Variants in RTL5 observed in about 807,000 individuals in gnomAD.
RTL5 encodes the protein retrotransposon Gag like 5.
In RTL5, 8 loss-of-function variants were observed where a neutral mutation model predicts 7.7. The observed-to-expected ratio is 1.04, with a 90% CI of 0.61 to 1.88. The LOEUF is 1.88. Ranked by LOEUF, RTL5 falls within the 40% of genes most tolerant of loss-of-function variation. RTL5 has a pLI of 0.00. For missense variants in RTL5, 457 were observed against 472.7 expected (o/e 0.97, Z 0.31); for synonymous variants, 188 against 191.8 (o/e 0.98, Z 0.16).
exon 1 of RTL5, chrX:72,131,638 G>A (rs1416343793): frequency 4.5e-6 from 4 of 896,388 alleles, no homozygotes; most frequent in Admixed American, 3.8e-5. Flanking sequence ...CGGGGCTCGG[G>A]AGGGACCGAA....
At chrX:72,130,685 T>C in exon 1 of RTL5, 1 of 1,211,884 alleles carries the variant, frequency 8.3e-7, no homozygotes, top group Non-Finnish European at 1.1e-6. Context: ...AAGAGCTCTT[T>C]GCGGAAGAAT....
chrX:72,130,653 G>A lies in RTL5; in HGVS notation c.888C>T (p.Asp296=). 2.5e-6 allele frequency: 3 copies of A among 1,211,690 alleles called. No homozygotes were observed. The Middle Eastern group carries it at 6.9e-4, about 278-fold the overall frequency. ...CACATTCGAGAATCAGCTCATCCAG[G>A]TCGGCCATTTCTGTTGACCATAAGA... Residue 296 remains aspartate (D), a synonymous_variant, in exon 1 of 1, where the codon GAC becomes GAT. Transcript: ENST00000609883.
chrX:72,128,105 T>C (rs7472250), exon 1 of RTL5: 64,524 of 110,493 alleles, frequency 0.58, 16,071 homozygotes, highest in Non-Finnish European at 0.79. Context: ...GTTATAGGAA[T>C]CCAAATCCAC....
At chrX:72,131,895 A>G (rs1780436045), upstream of RTL5, 1 of 415,343 alleles carries the variant, frequency 2.4e-6, no homozygotes, top group South Asian at 3.7e-5. Flanking sequence ...GAGGGAGCGG[A>G]CTGCGGCAGG....
At chrX:72,128,608 T>C (rs908758690) in exon 1 of RTL5, 3 of 113,007 alleles carry the variant, frequency 2.7e-5, no homozygotes, top group African/African-American at 9.7e-5. Context: ...ACTGTGTCAC[T>C]GAAGCACAGC....
chrX:72,131,733 G>T lies in RTL5; in HGVS notation c.-193C>A, dbSNP rs1440976226. On this transcript the variant is annotated 5_prime_UTR_variant, in exon 1 of 1. Coordinates refer to ENST00000609883, the Ensembl canonical transcript of RTL5. Reference sequence around the variant, plus strand: ...GGCGCTCTGGGCGGAGGGCCCGGCGGCTCGGCCCAGGGCGCGTTACCTCGT... The same window carrying T: ...GGCGCTCTGGGCGGAGGGCCCGGCGTCTCGGCCCAGGGCGCGTTACCTCGT... 9.1e-5 allele frequency: 29 copies of T among 320,258 alleles called. No individual in the cohort carries two copies. In the East Asian group the frequency reaches 1.4e-3, roughly 15 times the overall value. The allele number at this position is 320,258 out of a possible 1,213,427, so 26.4% of individuals were successfully genotyped here. A position where few individuals can be genotyped will look rare whatever the true frequency, so the allele number is the denominator to read the frequency against.
exon 1 of RTL5, chrX:72,129,041 G>A (rs2042256081): frequency 8.8e-6 from 1 of 113,056 alleles, no homozygotes; most frequent in African/African-American, 3.2e-5. Flanking sequence ...TCCACCGGGG[G>A]TGCCCAGGAG....
At chrX:72,129,902 G>A (rs917277121) in exon 1 of RTL5, 1 of 1,210,479 alleles carries the variant, frequency 8.3e-7, no homozygotes, top group Non-Finnish European at 1.1e-6. Flanking sequence ...AGCACAGGGG[G>A]GCGTCTTCGA....
exon 1 of RTL5, chrX:72,131,554 G>A (rs2042300520): frequency 1.3e-5 from 15 of 1,149,720 alleles, no homozygotes; most frequent in African/African-American, 1.8e-5. Context: ...GACAAGCCCA[G>A]GGGCCCTGGG....
Position 72,130,508 on chromosome X carries a change from T to C in RTL5, c.1033A>G (p.Ser345Gly). Residue 345 changes from serine to glycine, a missense_variant, in exon 1 of 1, where the codon AGT becomes GGT. By Grantham distance (56) the Ser-to-Gly change is moderately conservative (BLOSUM62 0). Coordinates refer to ENST00000609883, the Ensembl canonical transcript of RTL5. ...CGTGCCTCTTGGTCTTCATCTTCAC[T>C]GTAGTACTCTTCATCTTCACTTTCT... 6.6e-6 allele frequency: 8 copies of C among 1,211,196 alleles called. No homozygotes were observed. Among genetic ancestry groups the C allele is most frequent in the Non-Finnish European group, 8.9e-6 (8 of 895,036 alleles).
In RTL5 at chrX:72,130,288, C is replaced by A. The variant is rs182079718; in HGVS notation, c.1253G>T (p.Gly418Val). The change falls in exon 1 of 1, where the codon GGA becomes GTA. Residue 418 changes from glycine to valine, a missense_variant. Gly to Val is a moderately radical substitution (Grantham distance 109). Coordinates refer to ENST00000609883, the Ensembl canonical transcript of RTL5. ...TTCATCTTCTTCATCCTTACTCTCT[C>A]CTTCCTCCTCATTCTTGTTCCTTAT... 45 of 1,194,220 alleles carry A rather than the reference C, an allele frequency of 3.8e-5. No individual in the cohort carries two copies. The African/African-American group carries it at 7.9e-4, about 21-fold the overall frequency.
Position 72,130,330 on chromosome X carries a change from TTC to T in RTL5, c.1209_1210del (p.Lys404ArgfsTer11), listed in dbSNP as rs768319540. 41 of 1,171,719 alleles carry T rather than the reference TTC, an allele frequency of 3.5e-5. No individual in the cohort carries two copies. Among genetic ancestry groups the T allele is most frequent in the Admixed American group, 2.5e-4 (11 of 44,504 alleles). On this transcript the variant is annotated frameshift_variant, in exon 1 of 1. Coordinates refer to ENST00000609883, the Ensembl canonical transcript of RTL5. LOFTEE classifies it low-confidence loss of function (END_TRUNC). ...GTTCCTTATCTCCTCCTCCTCCTCT[TTC>T]TGTTTCATTTCCTCTTCCTCCTCCT... is the stretch of plus-strand genomic sequence containing the variant.
chrX:72,131,164 G>C lies in RTL5; in HGVS notation c.377C>G (p.Pro126Arg). 3 of 1,180,386 alleles carry C rather than the reference G, an allele frequency of 2.5e-6. No individual in the cohort carries two copies. Among genetic ancestry groups the C allele is most frequent in the African/African-American group, 1.8e-5 (1 of 56,733 alleles). Residue 126 changes from proline to arginine, a missense_variant, in exon 1 of 1, where the codon CCG (proline) becomes CGG (arginine). Pro to Arg is a moderately radical substitution (Grantham distance 103). Coordinates refer to ENST00000609883, the Ensembl canonical transcript of RTL5. ...GGGCGGAGGCAGCGCCGGCGGGGGC[G>C]GGATGGGCAGCAGAGGGGGGTCAGC...
chrX:72,128,896 T>C (rs2042253890), exon 1 of RTL5: 1 of 113,621 alleles, frequency 8.8e-6, no homozygotes, highest in African/African-American at 3.2e-5. Context: ...AGAGTCACTC[T>C]TTACAATGGC....
At chrX:72,131,893 G>A (rs2042306318), upstream of RTL5, 2 of 409,490 alleles carry the variant, frequency 4.9e-6, no homozygotes, top group South Asian at 7.5e-5. Flanking sequence ...GGGAGGGAGC[G>A]GACTGCGGCA....
At chrX:72,131,166 G>A (rs2042292508) in exon 1 of RTL5, 9 of 1,177,453 alleles carry the variant, frequency 7.6e-6, no homozygotes, top group Non-Finnish European at 9.2e-6. Context: ...GCGGGGGCGG[G>A]ATGGGCAGCA....
chrX:72,130,325 C>G, exon 1 of RTL5: 1 of 1,179,992 alleles, frequency 8.5e-7, no homozygotes. Flanking sequence ...TCCTCCTCCT[C>G]CTCTTTCTGT....
In RTL5 at chrX:72,131,773, A is replaced by AGGGC. The variant is rs1381030031; in HGVS notation, c.-237_-234dup. The AGGGC allele has an allele frequency of 1.3e-5, 3 of 224,103 alleles. No homozygotes were observed. The East Asian group carries it at 2.4e-4, about 18-fold the overall frequency. 18.5% of individuals were successfully genotyped at this position (224,103 alleles called of 1,213,427 possible). A position where few individuals can be genotyped will look rare whatever the true frequency, so the allele number is the denominator to read the frequency against. On this transcript the variant is annotated 5_prime_UTR_variant, in exon 1 of 1. Transcript: ENST00000609883. Reference sequence around the variant, plus strand: ...CGTTACCTCGTCGCCGGGGCCGGAGAGGGCGGGCGGAGGCACGGGGCCCGG... The same window carrying AGGGC: ...CGTTACCTCGTCGCCGGGGCCGGAGAGGGCGGGCGGGCGGAGGCACGGGGCCCGG...
chrX:72,130,075 T>C, exon 1 of RTL5: 2 of 1,211,230 alleles, frequency 1.7e-6, no homozygotes, highest in Non-Finnish European at 2.2e-6. Flanking sequence ...GTTTTCGGCG[T>C]GGTAACCACT....
Sources: allele counts gnomAD v4.1 joint callset, GRCh38; gene constraint gnomAD v4.1.1; transcripts MANE v1.5; gene names NCBI Gene and HGNC (gene_info 2026-07-23, HGNC 2026-07-21).